ZNF367: variants seen among roughly 807,000 people sequenced by gnomAD.
ZNF367 encodes zinc finger protein 367, also known as C2H2 zinc finger protein ZFF29.
ZNF367 carries 11 observed loss-of-function variants against 31.8 expected under a neutral mutation model. That is an observed-to-expected ratio of 0.35 (90% CI 0.22 to 0.57). The LOEUF is 0.57. Among genes scored for constraint, ZNF367 ranks in the 20% least tolerant of loss-of-function variants. ZNF367 has a pLI of 0.85. For missense variants in ZNF367, 353 were observed against 484.1 expected (o/e 0.73, Z 2.54); for synonymous variants, 199 against 202.4 (o/e 0.98, Z 0.14).
In ZNF367 at chr9:96,386,494, T is replaced by C. The variant is rs1831410353; in HGVS notation, c.*1743A>G. ...GAAACATAAACCAAGATAATTCAGA[T>C]GCTATAGTCTCTCTTACCAGCTTAT... is the stretch of plus-strand genomic sequence containing the variant. On this transcript the variant is annotated 3_prime_UTR_variant, in exon 5 of 5. Transcript: ENST00000375256. The C allele has an allele frequency of 6.6e-6, 1 of 152,100 alleles. No individual in the cohort carries two copies. The highest frequency in any genetic ancestry group is 6.5e-5 in the Admixed American group (1 of 15,276). The allele number at this position is 152,100 out of a possible 1,614,324, so 9.4% of individuals were successfully genotyped here. A position where few individuals can be genotyped will look rare whatever the true frequency, so the allele number is the denominator to read the frequency against.
chr9:96,402,281 G>C (rs1418306576), intron 1 of ZNF367, among the ~76,000 whole-genome samples: 1 of 151,734 alleles, frequency 6.6e-6, no homozygotes, highest in Non-Finnish European at 1.5e-5. Context: ...AGAAACAAAA[G>C]AAAAGAAGAA....
chr9:96,417,883 C>T lies in ZNF367; in HGVS notation c.150G>A (p.Pro50=). The change falls in exon 1 of 5, where the codon CCG becomes CCA. Residue 50 remains proline, a synonymous_variant. Coordinates refer to ENST00000375256, the MANE Select transcript of ZNF367 (RefSeq NM_153695.4). The surrounding 1 kb of genome is among the most constrained non-coding windows in gnomAD (Gnocchi z 5.0). Reference sequence around the variant, plus strand: ...TGGGGATGAGCGGCGGCGGCGGCTCCGGCTCCCCTCCACCGCCGCACGTTG... The same window carrying T: ...TGGGGATGAGCGGCGGCGGCGGCTCTGGCTCCCCTCCACCGCCGCACGTTG... ...IKPTCGGGGE[P]EPPPPLIPTS... The T allele has an allele frequency of 1.3e-6, 2 of 1,518,322 alleles. No individual in the cohort carries two copies. Among genetic ancestry groups the T allele is most frequent in the South Asian group, 1.2e-5 (1 of 81,372 alleles). 94.1% of individuals were successfully genotyped at this position (1,518,322 alleles called of 1,614,324 possible).
chr9:96,386,831 T>C lies in ZNF367; in HGVS notation c.*1406A>G, dbSNP rs1024494029. The stretch of plus-strand genomic sequence containing the variant: ...CCTACTTTGTAATGTTTAAACTACA[T>C]CTGTAGGAACGTCTTCAACTCAAAA... On this transcript the variant is annotated 3_prime_UTR_variant, in exon 5 of 5. Transcript: ENST00000375256. The C allele has an allele frequency of 6.6e-6, 1 of 152,168 alleles. No homozygotes were observed. Among genetic ancestry groups the C allele is most frequent in the African/African-American group, 2.4e-5 (1 of 41,430 alleles). The allele number at this position is 152,168 out of a possible 1,614,324, so 9.4% of individuals were successfully genotyped here. A position where few individuals can be genotyped will look rare whatever the true frequency, so the allele number is the denominator to read the frequency against.
chr9:96,415,479 ATTTTTTTTTTTTTTTTTTTTTTTT>A (rs56349404), intron 1 of ZNF367, among the ~76,000 whole-genome samples: 2 of 37,756 alleles, frequency 5.3e-5, no homozygotes, highest in Non-Finnish European at 9.5e-5. Flanking sequence ...TAGTTTCTTC[ATTTTTTTTTTTTTTTTTTTTTTTT>A]TTTTTTTTTT....
At position 96,386,287 on chromosome 9, in the gene ZNF367, T is replaced by C. The variant is rs554377445; in HGVS notation, c.*1950A>G. The C allele has an allele frequency of 5.3e-5, 8 of 152,292 alleles. No homozygotes were observed. The South Asian group carries it at 1.7e-3, about 32-fold the overall frequency. The allele number at this position is 152,292 out of a possible 1,614,324, so 9.4% of individuals were successfully genotyped here. On this transcript the variant is annotated 3_prime_UTR_variant, in exon 5 of 5. Coordinates refer to ENST00000375256, the MANE Select transcript of ZNF367 (RefSeq NM_153695.4). Reference sequence around the variant, plus strand: ...TGACTGGAGAAACAAGGAAAAACCCTTACTTTTGAAGGCCTTAAATGTTAT... The same window carrying C: ...TGACTGGAGAAACAAGGAAAAACCCCTACTTTTGAAGGCCTTAAATGTTAT...
intron 1 of ZNF367, chr9:96,407,626 G>T: frequency 6.9e-7 from 1 of 1,450,190 alleles, no homozygotes; most frequent in Non-Finnish European, 9.7e-7. Flanking sequence ...AAAAGAGAAG[G>T]CGGGAAAATG....
Position 96,406,958 on chromosome 9 carries a change from C to T in ZNF367, c.421-8644G>A, listed in dbSNP as rs1485569774. Among the ~76,000 whole-genome samples the T allele has an allele frequency of 2.2e-5, 3 of 139,280 alleles. No individual in the cohort carries two copies. The Admixed American group carries it at 2.4e-4, about 11-fold the overall frequency. 91.4% of individuals were successfully genotyped at this position (139,280 alleles called of 152,430 possible). A position where few individuals can be genotyped will look rare whatever the true frequency, so the allele number is the denominator to read the frequency against. ...CAGAGCTTGCAGTCAGCCGAGATCGCACCACTGCACTCCAGCCTGGGTGAC... is the reference window on the plus strand; with the variant it reads ...CAGAGCTTGCAGTCAGCCGAGATCGTACCACTGCACTCCAGCCTGGGTGAC... On this transcript the variant is annotated intron_variant, in intron 1 of 4. Transcript: ENST00000375256.
intron 1 of ZNF367, among the ~76,000 whole-genome samples, chr9:96,404,575 A>AGTT (rs1218089121): frequency 6.6e-6 from 1 of 150,784 alleles, no homozygotes; most frequent in African/African-American, 2.4e-5. Context: ...CCTGGGCAAC[A>AGTT]GAGTGAGCCA....
Position 96,418,168 on chromosome 9 carries a change from G to T in ZNF367, c.-136C>A. ...AGACTGACGTTTCCCGGAATCCTGC[G>T]CAGCAGCCACCTAACTAGTTGAGCA... is the stretch of plus-strand genomic sequence containing the variant. On this transcript the variant is annotated 5_prime_UTR_variant, in exon 1 of 5. Coordinates refer to ENST00000375256, the MANE Select transcript of ZNF367 (RefSeq NM_153695.4). 8.1e-7 allele frequency: 1 copy of T among 1,228,750 alleles called. No individual in the cohort carries two copies. The highest frequency in any genetic ancestry group is 1.0e-6 in the Non-Finnish European group (1 of 974,126). 76.1% of individuals were successfully genotyped at this position (1,228,750 alleles called of 1,614,324 possible).
At chr9:96,404,073 G>C (rs2131077657) in intron 1 of ZNF367, among the ~76,000 whole-genome samples, 1 of 152,156 alleles carries the variant, frequency 6.6e-6, no homozygotes, top group South Asian at 2.1e-4. Context: ...CACATGCCTG[G>C]AGTCCCAGCT....
chr9:96,406,492 TG>T, intron 1 of ZNF367, among the ~76,000 whole-genome samples: 1 of 152,336 alleles, frequency 6.6e-6, no homozygotes, highest in South Asian at 2.1e-4. Flanking sequence ...TCTTATACCA[TG>T]AATATTCAAA....
intron 1 of ZNF367, among the ~76,000 whole-genome samples, chr9:96,400,536 C>T (rs1176327578): frequency 2.0e-5 from 3 of 150,070 alleles, no homozygotes; most frequent in Non-Finnish European, 4.4e-5. Flanking sequence ...CTGAAACATA[C>T]AATAACTAAA....
chr9:96,407,698 AC>A, intron 1 of ZNF367: 1 of 1,398,916 alleles, frequency 7.1e-7, no homozygotes. Context: ...AGTTATTCGA[AC>A]AGGAAAGAAG....
At chr9:96,402,129 G>A (rs1036646103) in intron 1 of ZNF367, among the ~76,000 whole-genome samples, 6 of 149,498 alleles carry the variant, frequency 4.0e-5, no homozygotes, top group East Asian at 2.1e-4. Flanking sequence ...GGTGGCACGC[G>A]CCTATAGTCC....
chr9:96,395,124 T>C (rs1370162532), intron 2 of ZNF367, among the ~76,000 whole-genome samples, 182 bp from the exon 3 acceptor site: 1 of 152,202 alleles, frequency 6.6e-6, no homozygotes, highest in African/African-American at 2.4e-5. Flanking sequence ...AATGACTATC[T>C]GCTGGGGAAC....
chr9:96,392,248 A>G (rs950684532), intron 4 of ZNF367, 150 bp downstream of exon 4: 2 of 1,234,750 alleles, frequency 1.6e-6, no homozygotes, highest in Non-Finnish European at 1.1e-6. Context: ...ACTCACAACA[A>G]TTTTATAGAA....
rs188132254 is a variant in ZNF367, at chr9:96,414,765, C to T, written c.420+2848G>A. Among the ~76,000 whole-genome samples the T allele has an allele frequency of 2.6e-4, 39 of 152,238 alleles. 1 individual carries two copies. Among genetic ancestry groups the T allele is most frequent in the Admixed American group, 9.2e-4 (14 of 15,288 alleles). The stretch of plus-strand genomic sequence containing the variant: ...TGCTGGGATTACAGGCGTGAGCCTC[C>T]GCGCCTGGCCACAGTTAGCAATTTT... On this transcript the variant is annotated intron_variant, in intron 1 of 4. Transcript: ENST00000375256.
chr9:96,410,206 C>G (rs1420237815), intron 1 of ZNF367, among the ~76,000 whole-genome samples: 2 of 146,620 alleles, frequency 1.4e-5, no homozygotes, highest in Non-Finnish European at 1.5e-5. Context: ...GTTGCAGTGG[C>G]CGAGATCGCA....
At chr9:96,409,642 A>G (rs1831716114) in intron 1 of ZNF367, among the ~76,000 whole-genome samples, 1 of 152,266 alleles carries the variant, frequency 6.6e-6, no homozygotes, top group Non-Finnish European at 1.5e-5. Context: ...TTATTAAAGT[A>G]CAAATTAACA....
Sources: allele counts gnomAD v4.1 joint callset (sites outside exome capture counted in the v4.1 genomes callset), GRCh38; gene constraint gnomAD v4.1.1; non-coding constraint Gnocchi (gnomAD v3.1); transcripts MANE v1.5; gene names NCBI Gene and HGNC (gene_info 2026-07-23, HGNC 2026-07-21).